Variants in NFKB1 observed in about 807,000 individuals in gnomAD.
NFKB1 encodes nuclear factor kappa B subunit 1.
Under a neutral mutation model 105.1 loss-of-function variants are expected in NFKB1, and 9 were observed. That is an observed-to-expected ratio of 0.09 (90% CI 0.05 to 0.15). NFKB1 has a LOEUF of 0.15. Ranked by LOEUF, NFKB1 falls within the 10% of genes least tolerant of loss-of-function variation. The pLI is 1.00. For synonymous variants in NFKB1, 440 were observed against 442.2 expected (o/e 1.00, Z 0.06); for missense variants, 830 against 1,203.7 (o/e 0.69, Z 4.59).
chr4:102,575,638 A>C (rs1309861209), intron 6 of NFKB1, among the ~76,000 whole-genome samples: 1 of 152,112 alleles, frequency 6.6e-6, no homozygotes. Flanking sequence ...TGCCACATTC[A>C]TCATTCATAT....
chr4:102,590,672 G>A (rs1012747731), intron 11 of NFKB1, among the ~76,000 whole-genome samples: 4 of 152,098 alleles, frequency 2.6e-5, no homozygotes, highest in African/African-American at 9.7e-5. Flanking sequence ...TCTACTGACT[G>A]GCAATTCCTC....
chr4:102,535,813 G>A (rs970870634), intron 4 of NFKB1, among the ~76,000 whole-genome samples: 3 of 151,704 alleles, frequency 2.0e-5, no homozygotes, highest in Non-Finnish European at 2.9e-5. Context: ...AAACACATAC[G>A]TGTCTATATT....
chr4:102,596,949 T>G (rs1161422161), intron 14 of NFKB1, among the ~76,000 whole-genome samples: 1 of 152,036 alleles, frequency 6.6e-6, no homozygotes, highest in Non-Finnish European at 1.5e-5. Flanking sequence ...TTTAAAAATG[T>G]ATAAGCCATG....
At chr4:102,609,893 A>C (rs1375444560) in intron 19 of NFKB1, among the ~76,000 whole-genome samples, 1 of 152,112 alleles carries the variant, frequency 6.6e-6, no homozygotes, top group East Asian at 1.9e-4. Flanking sequence ...CAAGCTAAAC[A>C]CTCATAAAAA....
intron 1 of NFKB1, among the ~76,000 whole-genome samples, chr4:102,523,363 A>G (rs536107008): frequency 1.3e-5 from 2 of 152,306 alleles, no homozygotes; most frequent in East Asian, 3.9e-4. Flanking sequence ...AAGGACTCAG[A>G]GCTGCCCTTT....
intron 5 of NFKB1, among the ~76,000 whole-genome samples, chr4:102,554,389 T>C (rs1260786652): frequency 6.6e-6 from 1 of 152,214 alleles, no homozygotes; most frequent in Non-Finnish European, 1.5e-5. Flanking sequence ...GTATTTGGTG[T>C]AATAGAGAAC....
At chr4:102,567,164 G>C (rs766295957) in intron 6 of NFKB1, 29 bp downstream of exon 6, 7 of 1,605,278 alleles carry the variant, frequency 4.4e-6, no homozygotes, top group Non-Finnish European at 6.0e-6. Context: ...TGCTGTGGAA[G>C]GTAGGAACAG....
chr4:102,602,011 C>T (rs1034476705), intron 16 of NFKB1, among the ~76,000 whole-genome samples: 13 of 152,120 alleles, frequency 8.5e-5, no homozygotes, highest in Non-Finnish European at 2.9e-5. Context: ...TGCTGGTTCA[C>T]GTGTATCTCT....
At chr4:102,503,208 T>A (rs1350132702) in intron 1 of NFKB1, among the ~76,000 whole-genome samples, 1 of 152,186 alleles carries the variant, frequency 6.6e-6, no homozygotes, top group Non-Finnish European at 1.5e-5. Flanking sequence ...TTGTTTCCTG[T>A]AGAATTTTAC....
intron 8 of NFKB1, 106 bp downstream of exon 8, chr4:102,579,145 A>T: frequency 8.6e-7 from 1 of 1,157,976 alleles, no homozygotes; most frequent in Admixed American, 2.4e-5. Flanking sequence ...TAATCACTTT[A>T]AGCCTCAGCT....
At chr4:102,605,108 C>G (rs1727586930) in intron 16 of NFKB1, among the ~76,000 whole-genome samples, 1 of 152,042 alleles carries the variant, frequency 6.6e-6, no homozygotes, top group African/African-American at 2.4e-5. Context: ...CTTTCCTTTT[C>G]CCATCTCCCC....
At chr4:102,596,692 T>C (rs928958761) in intron 14 of NFKB1, among the ~76,000 whole-genome samples, 1 of 152,196 alleles carries the variant, frequency 6.6e-6, no homozygotes, top group African/African-American at 2.4e-5. Context: ...TTAACCGTCA[T>C]ACTGAAATAG....
At chr4:102,609,611 C>CA (rs34646774) in intron 19 of NFKB1, among the ~76,000 whole-genome samples, 15,703 of 63,748 alleles carry the variant, frequency 0.25, 2,523 homozygotes, top group African/African-American at 0.33. Context: ...GACTCCATCT[C>CA]AAAAAAAAAA....
In NFKB1 at chr4:102,584,720, T is replaced by C. The variant is rs1480508469; in HGVS notation, c.966T>C (p.Ile322=). ...TCAAAACTCCAAAGTATAAAGATAT[T>C]AATATTACAAAACCAGCCTCTGTGT... ...IVFKTPKYKD[I]NITKPASVFV... is the part of the protein sequence containing the mutation. Residue 322 remains isoleucine (I), a synonymous_variant, in exon 11 of 24, where the codon ATT becomes ATC. Transcript: ENST00000226574. 3.1e-6 allele frequency: 5 copies of C among 1,611,860 alleles called. No individual in the cohort carries two copies. Among genetic ancestry groups the C allele is most frequent in the Non-Finnish European group, 3.4e-6 (4 of 1,179,178 alleles).
chr4:102,538,732 TA>T, intron 5 of NFKB1, among the ~76,000 whole-genome samples: 1 of 152,338 alleles, frequency 6.6e-6, no homozygotes, highest in African/African-American at 2.4e-5. Context: ...CATAGACTGG[TA>T]ATCATTTTGC....
At chr4:102,566,679 G>C (rs188715825) in intron 5 of NFKB1, among the ~76,000 whole-genome samples, 26 of 152,260 alleles carry the variant, frequency 1.7e-4, no homozygotes, top group Admixed American at 4.6e-4. Flanking sequence ...AGGAAAGGAG[G>C]CTTCATGACA....
At chr4:102,547,958 G>A (rs1272774735) in intron 5 of NFKB1, among the ~76,000 whole-genome samples, 1 of 152,022 alleles carries the variant, frequency 6.6e-6, no homozygotes, top group African/African-American at 2.4e-5. Context: ...TTCTTGTTAG[G>A]CTCCTTAGTT....
intron 19 of NFKB1, among the ~76,000 whole-genome samples, chr4:102,608,994 A>C (rs891833032): frequency 1.3e-5 from 2 of 151,990 alleles, no homozygotes; most frequent in African/African-American, 2.4e-5. Flanking sequence ...TCCATTAAAA[A>C]ATTTAAAAAG....
chr4:102,613,295 C>T, intron 22 of NFKB1, 130 bp from the exon 23 acceptor site: 7 of 930,718 alleles, frequency 7.5e-6, no homozygotes, highest in Non-Finnish European at 9.7e-6. Context: ...CTTCTCTGCC[C>T]TTTCCATTTC....
Sources: gnomAD v4.1 joint callset for allele counts (sites outside exome capture counted in the v4.1 genomes callset) on GRCh38, gnomAD v4.1.1 for gene constraint, MANE v1.5 for transcripts, NCBI Gene and HGNC (gene_info 2026-07-23, HGNC 2026-07-21) for gene names.